SLC1A7: variants seen among roughly 807,000 people sequenced by gnomAD.
SLC1A7 encodes excitatory amino acid transporter 5.
In SLC1A7, 40 loss-of-function variants were observed where a neutral mutation model predicts 47.7. The ratio of observed to expected loss-of-function variants is 0.84; its 90% CI spans 0.65 to 1.09. SLC1A7 has a LOEUF of 1.09. SLC1A7 is among the 50% of genes least tolerant of loss of function. SLC1A7 has a pLI of 0.00. For synonymous variants in SLC1A7, 323 were observed against 325.6 expected, an observed-to-expected ratio of 0.99 and a Z score of 0.09; for missense variants, 746 against 769.5, an observed-to-expected ratio of 0.97 and a Z score of 0.36.
At chr1:53,115,141 C>T in intron 2 of SLC1A7, 168 bp from the exon 3 acceptor site, 1 of 628,104 alleles carries the variant, frequency 1.6e-6, no homozygotes, top group Non-Finnish European at 2.8e-6. Flanking sequence ...TCTTTCTGCT[C>T]TGCCCTCTCC....
At chr1:53,104,029 C>A (rs1644612893) in intron 4 of SLC1A7, among the ~76,000 whole-genome samples, 1 of 152,128 alleles carries the variant, frequency 6.6e-6, no homozygotes, top group South Asian at 2.1e-4. Flanking sequence ...GAGATGAAGC[C>A]CATGCACAAG....
intron 3 of SLC1A7, among the ~76,000 whole-genome samples, chr1:53,106,520 C>T (rs1291841634): frequency 1.3e-5 from 2 of 151,198 alleles, no homozygotes; most frequent in Non-Finnish European, 2.9e-5. Context: ...AGGAGAATGG[C>T]GTGAACCCGG....
chr1:53,123,457 G>C (rs771862871), intron 2 of SLC1A7, among the ~76,000 whole-genome samples: 1 of 152,200 alleles, frequency 6.6e-6, no homozygotes, highest in Non-Finnish European at 1.5e-5. Context: ...CACCCTGCCC[G>C]GTGTTGAACA....
chr1:53,134,939 A>G (rs1644976435), intron 1 of SLC1A7, among the ~76,000 whole-genome samples: 1 of 134,256 alleles, frequency 7.4e-6, no homozygotes, highest in Non-Finnish European at 1.6e-5. Context: ...CTCTCTTAAA[A>G]TATCTTCCAG....
At chr1:53,135,686 T>TAAAA (rs56817579) in intron 1 of SLC1A7, among the ~76,000 whole-genome samples, 5 of 148,660 alleles carry the variant, frequency 3.4e-5, no homozygotes, top group African/African-American at 1.2e-4. Flanking sequence ...ATTCTTATAC[T>TAAAA]AAAAAAAAAA....
intron 8 of SLC1A7, 90 bp downstream of exon 8, chr1:53,090,522 G>C: frequency 6.9e-7 from 1 of 1,442,368 alleles, no homozygotes; most frequent in Admixed American, 2.9e-5. Context: ...AGGCTCGCTC[G>C]CTTCAGATAC....
intron 3 of SLC1A7, among the ~76,000 whole-genome samples, chr1:53,106,892 T>C (rs531900918): frequency 2.0e-5 from 3 of 152,066 alleles, no homozygotes; most frequent in Admixed American, 1.3e-4. Context: ...CAGTAGTTCA[T>C]GCCTGTAATC....
rs113805964 is a variant in SLC1A7 at position 53,132,824 on chromosome 1, C to T, written c.215+1526G>A. Among the ~76,000 whole-genome samples the T allele has an allele frequency of 1.3e-3, 201 of 152,192 alleles. 1 individual carries two copies. Among genetic ancestry groups the T allele is most frequent in the African/African-American group, 4.4e-3 (182 of 41,508 alleles). On this transcript the variant is annotated intron_variant, in intron 2 of 10. Transcript: ENST00000371494. ...TTGTGCCACTGCACTCTAGCCTGGG[C>T]GACAGGGCAAGATCCTATCTCAAAC...
At chr1:53,114,580 C>A in intron 3 of SLC1A7, 178 bp downstream of exon 3, 1 of 611,110 alleles carries the variant, frequency 1.6e-6, no homozygotes, top group Admixed American at 2.8e-5. Flanking sequence ...GTGCTTCTAG[C>A]CTGGTGGGGC....
At chr1:53,088,318 A>C in intron 10 of SLC1A7, 91 bp from the exon 11 acceptor site, 3 of 1,065,428 alleles carry the variant, frequency 2.8e-6, no homozygotes, top group Non-Finnish European at 4.0e-6. Flanking sequence ...GAATGAGCTC[A>C]GGGCTAGGAA....
At chr1:53,089,582 G>C (rs138300876) in intron 9 of SLC1A7, among the ~76,000 whole-genome samples, 3 of 152,296 alleles carry the variant, frequency 2.0e-5, no homozygotes, top group African/African-American at 7.2e-5. Flanking sequence ...GGCCTTTACA[G>C]TTTTTGGACT....
intron 3 of SLC1A7, among the ~76,000 whole-genome samples, chr1:53,114,139 A>G (rs1644729474): frequency 6.6e-6 from 1 of 152,124 alleles, no homozygotes; most frequent in South Asian, 2.1e-4. Context: ...TGCACGAAGG[A>G]CAGGAGCAGG....
intron 9 of SLC1A7, among the ~76,000 whole-genome samples, chr1:53,089,434 T>G (rs1319154164): frequency 2.0e-5 from 3 of 152,098 alleles, no homozygotes; most frequent in African/African-American, 7.2e-5. Context: ...CCAGCTAATT[T>G]TTTCTTTTCT....
intron 5 of SLC1A7, 76 bp from the exon 6 acceptor site, chr1:53,093,636 C>T: frequency 2.6e-6 from 3 of 1,167,666 alleles, no homozygotes; most frequent in Non-Finnish European, 3.6e-6. Flanking sequence ...GCATGGCTGG[C>T]TTCCCAGCAG....
Position 53,102,183 on chromosome 1 carries a change from C to G in SLC1A7, c.697+1163G>C, listed in dbSNP as rs560411680. ...CACTTGGGTCACCGAGGCCCCGGCC[C>G]CTCTGCACACCTGGCGTTTTGGCCC... On this transcript the variant is annotated intron_variant, in intron 5 of 10. Transcript: ENST00000371494. 7 of 152,402 alleles carry G rather than the reference C, an allele frequency of 4.6e-5. No individual in the cohort carries two copies. In the East Asian group the frequency reaches 1.3e-3, roughly 29 times the overall value. 9.4% of individuals were successfully genotyped at this position (152,402 alleles called of 1,614,324 possible).
Position 53,114,759 on chromosome 1 carries a change from G to A in SLC1A7, c.430C>T (p.Arg144Trp), listed in dbSNP as rs763277094. 24 of 1,613,234 alleles carry A rather than the reference G, an allele frequency of 1.5e-5. No individual in the cohort carries two copies. Among genetic ancestry groups the A allele is most frequent in the Non-Finnish European group, 1.7e-5 (20 of 1,179,556 alleles). ...CGGGGTGTGGGTGGCAATAGTTACC[G>A]GATGAGGTCCAACAGGGCATCGGCT... ...SSADALLDLI[R>W]NMFPANLVEA... Residue 144 changes from arginine to tryptophan, a missense_variant and splice_region_variant, in exon 3 of 11, where the codon CGG (arginine) becomes TGG (tryptophan). Coordinates refer to ENST00000371494, the MANE Select transcript of SLC1A7 (RefSeq NM_006671.6).
chr1:53,101,687 G>GTA (rs1402086877), intron 5 of SLC1A7, among the ~76,000 whole-genome samples: 3 of 140,404 alleles, frequency 2.1e-5, no homozygotes, highest in Non-Finnish European at 3.0e-5. Context: ...CACAAACCAT[G>GTA]TCTCGGTACA....
In SLC1A7 at chr1:53,089,844, C is replaced by T; in HGVS notation, c.1317G>A (p.Leu439=). ...TGATGAGGGTGATGTCATCGGTGGGCAGTCCCACGGAGGTGAGCACGATGA... is the reference window on the plus strand; with the variant it reads ...TGATGAGGGTGATGTCATCGGTGGGTAGTCCCACGGAGGTGAGCACGATGA... ...TMVIVLTSVG[L]PTDDITLIIA... The change falls in exon 9 of 11, where the codon CTG becomes CTA. Residue 439 remains leucine (L), a synonymous_variant. Transcript: ENST00000371494. 1.2e-6 allele frequency: 2 copies of T among 1,613,954 alleles called. No homozygotes were observed. Among genetic ancestry groups the T allele is most frequent in the Non-Finnish European group, 1.7e-6 (2 of 1,179,986 alleles).
intron 3 of SLC1A7, chr1:53,107,843 G>A (rs1164788919): frequency 6.6e-6 from 1 of 152,164 alleles, no homozygotes; most frequent in Non-Finnish European, 1.5e-5. Flanking sequence ...TAAACCAATA[G>A]ACCACAAAAA....
Sources: allele counts gnomAD v4.1 joint callset (sites outside exome capture counted in the v4.1 genomes callset), GRCh38; gene constraint gnomAD v4.1.1; transcripts MANE v1.5; gene names NCBI Gene and HGNC (gene_info 2026-07-23, HGNC 2026-07-21).